HEATR4: variants seen among roughly 807,000 people sequenced by gnomAD.
HEATR4 encodes HEAT repeat containing 4.
A neutral mutation model predicts 108.8 loss-of-function variants in HEATR4; 95 were observed. The observed-to-expected ratio is 0.87, with a 90% CI of 0.74 to 1.04. HEATR4 has a LOEUF of 1.04. Ranked by LOEUF, HEATR4 falls within the 50% of genes least tolerant of loss-of-function variation. The probability of loss-of-function intolerance (pLI) is 0.00; values close to 1 mark genes in which losing one functional copy is unlikely to be tolerated. For missense variants in HEATR4, 1,152 were observed against 1,253.8 expected, an observed-to-expected ratio of 0.92 and a Z score of 1.23; for synonymous variants, 443 against 459.4, an observed-to-expected ratio of 0.96 and a Z score of 0.46.
chr14:73,591,072 C>G, the HEATR4 span, among the ~76,000 whole-genome samples: 1 of 143,706 alleles, frequency 7.0e-6, no homozygotes, highest in African/African-American at 2.7e-5. Context: ...GTGACACCTC[C>G]TCTCTAAAAA....
chr14:73,527,164 A>G (rs1463344845), intron 2 of HEATR4: 1 of 152,112 alleles, frequency 6.6e-6, no homozygotes, highest in African/African-American at 2.4e-5. Context: ...ATATATAGAA[A>G]GCCTTCTCAA....
rs1191819047 is a variant in HEATR4 at position 73,492,463 on chromosome 14, G to T, written c.2844+603C>A. ...GAACCGCTTTCATGGAGAAGGTGCGGGTCTTGGTTGCCCGCCTGGGACACT... is the reference window on the plus strand; with the variant it reads ...GAACCGCTTTCATGGAGAAGGTGCGTGTCTTGGTTGCCCGCCTGGGACACT... On this transcript the variant is annotated intron_variant, in intron 17 of 17. Transcript: ENST00000553558. The surrounding 1 kb of genome is among the most constrained non-coding windows in gnomAD (Gnocchi z 4.9). 2 of 1,613,806 alleles carry T rather than the reference G, an allele frequency of 1.2e-6. No individual in the cohort carries two copies. The highest frequency in any genetic ancestry group is 3.3e-5 in the Admixed American group (2 of 59,962).
intron 9 of HEATR4, among the ~76,000 whole-genome samples, chr14:73,506,804 G>T (rs201604224): frequency 8.8e-3 from 710 of 80,280 alleles, no homozygotes; most frequent in East Asian, 0.023. Flanking sequence ...GACTTTAACT[G>T]TTTTTTTTTT....
At chr14:73,515,095 T>C (rs1230085852) in intron 5 of HEATR4, among the ~76,000 whole-genome samples, 2 of 150,834 alleles carry the variant, frequency 1.3e-5, no homozygotes, top group Non-Finnish European at 3.0e-5. Context: ...AAAAAAACTA[T>C]AGTTATATTT....
At chr14:73,496,487 G>A (rs1886114744) in intron 15 of HEATR4, 114 bp downstream of exon 15, 2 of 663,626 alleles carry the variant, frequency 3.0e-6, no homozygotes, top group Non-Finnish European at 5.4e-6. Context: ...TGGGGTTTTA[G>A]AAAGTACTTC....
chr14:73,594,679 TA>T, the HEATR4 span, among the ~76,000 whole-genome samples: 6 of 146,212 alleles, frequency 4.1e-5, no homozygotes, highest in African/African-American at 1.5e-4. Flanking sequence ...ATAAGTTATT[TA>T]TTTATTTATT....
At chr14:73,584,415 G>A in the HEATR4 span, among the ~76,000 whole-genome samples, 1 of 151,912 alleles carries the variant, frequency 6.6e-6, no homozygotes, top group South Asian at 2.1e-4. Context: ...GACCTGTACA[G>A]ATTCGCCACC....
the HEATR4 span, chr14:73,617,347 A>G: frequency 9.5e-7 from 1 of 1,047,778 alleles, no homozygotes; most frequent in South Asian, 1.4e-5. Context: ...GGGCATGGTG[A>G]TGTGCACCTG....
intron 17 of HEATR4, among the ~76,000 whole-genome samples, chr14:73,484,569 G>A (rs1368460079): frequency 5.9e-5 from 9 of 151,622 alleles, no homozygotes; most frequent in African/African-American, 2.2e-4. Context: ...TAGTAGAGAC[G>A]GGGTTTCACT....
chr14:73,537,223 A>G, intron 1 of HEATR4: 1 of 456,460 alleles, frequency 2.2e-6, no homozygotes, highest in Non-Finnish European at 3.5e-6. Flanking sequence ...AACACAGGAG[A>G]CTTTAAGCAA....
At chr14:73,589,170 A>G in the HEATR4 span, among the ~76,000 whole-genome samples, 1 of 152,206 alleles carries the variant, frequency 6.6e-6, no homozygotes, top group African/African-American at 2.4e-5. Flanking sequence ...AATGACATGT[A>G]TCCACCATTA....
chr14:73,621,761 C>CTTTTTTTTTTTTTT, the HEATR4 span, among the ~76,000 whole-genome samples: 29 of 109,510 alleles, frequency 2.6e-4, no homozygotes, highest in African/African-American at 8.0e-4. Flanking sequence ...TTCTTTCTTT[C>CTTTTTTTTTTTTTT]TTTTTTTTTT....
At chr14:73,573,770 A>T in the HEATR4 span, among the ~76,000 whole-genome samples, 6 of 151,720 alleles carry the variant, frequency 4.0e-5, no homozygotes, top group African/African-American at 1.2e-4. Context: ...CTCTGTTGCC[A>T]GGCTGGAGTC....
chr14:73,528,526 C>G (rs1888502881), intron 2 of HEATR4, among the ~76,000 whole-genome samples: 1 of 151,666 alleles, frequency 6.6e-6, no homozygotes, highest in African/African-American at 2.4e-5. Flanking sequence ...TAGGTCTGAT[C>G]AAAAGAGGCT....
chr14:73,525,031 T>A (rs1888242998), intron 2 of HEATR4, among the ~76,000 whole-genome samples: 1 of 152,140 alleles, frequency 6.6e-6, no homozygotes, highest in Non-Finnish European at 1.5e-5. Context: ...TTTTTTCTTT[T>A]GTTTTGTTTT....
chr14:73,512,789 C>T (rs1332965013), intron 6 of HEATR4, among the ~76,000 whole-genome samples: 2 of 152,168 alleles, frequency 1.3e-5, no homozygotes, highest in African/African-American at 4.8e-5. Flanking sequence ...TATTTCAAAG[C>T]TCCTATTATC....
In HEATR4 at chr14:73,502,966, C is replaced by G. The variant is rs1229084986; in HGVS notation, c.2034G>C (p.Lys678Asn). The G allele has an allele frequency of 6.2e-7, 1 of 1,614,122 alleles. No homozygotes were observed. The highest frequency in any genetic ancestry group is 8.5e-7 in the Non-Finnish European group (1 of 1,180,026). Residue 678 changes from lysine to asparagine, a missense_variant, in exon 11 of 18, where the codon AAG becomes AAC. Coordinates refer to ENST00000553558, the MANE Select transcript of HEATR4 (RefSeq NM_001220484.1). ...CCTGTGCAGCTGCTCTCCTCACTTC[C>G]TTATTCCAGTCATTCCACATCAGCT... ...LIQLMWNDWNKEVRRAAAQAL... is the reference protein window; with the variant it reads ...LIQLMWNDWNNEVRRAAAQAL...
At chr14:73,530,131 G>A (rs1888616620) in intron 2 of HEATR4, 35 bp downstream of exon 2, 1 of 85,942 alleles carries the variant, frequency 1.2e-5, no homozygotes, top group Non-Finnish European at 2.8e-5. Flanking sequence ...CCTGGCTAAT[G>A]TTTTAAAACT....
rs1887291661 is a variant in HEATR4, at chr14:73,511,929, TG to T, written c.1558+76del. The T allele has an allele frequency of 4.4e-5, 70 of 1,578,890 alleles. No individual in the cohort carries two copies. In the South Asian group the frequency reaches 6.7e-4, roughly 15 times the overall value. ...TTGTAAAATGATCTCAGATAAGCCCTGGGTCCCTACCAGTTCAGATGTTCCA... is the reference window on the plus strand; with the variant it reads ...TTGTAAAATGATCTCAGATAAGCCCTGGTCCCTACCAGTTCAGATGTTCCA... On this transcript the variant is annotated intron_variant, in intron 7 of 17. Transcript: ENST00000553558.
Sources: allele counts gnomAD v4.1 joint callset (sites outside exome capture counted in the v4.1 genomes callset), GRCh38; gene constraint gnomAD v4.1.1; non-coding constraint Gnocchi (gnomAD v3.1); transcripts MANE v1.5; gene names NCBI Gene and HGNC (gene_info 2026-07-23, HGNC 2026-07-21).